The following FAM83B variants were observed in gnomAD, a reference collection of about 807,000 sequenced individuals.
FAM83B encodes the protein scaffolding CK1 anchoring protein B.
FAM83B carries 26 observed loss-of-function variants against 38.8 expected under a neutral mutation model. The ratio of observed to expected loss-of-function variants is 0.67; its 90% confidence interval spans 0.49 to 0.93. The LOEUF (loss-of-function observed/expected upper bound fraction) is 0.93, where lower values mean the gene tolerates loss of function less well. FAM83B is among the 40% of genes least tolerant of loss of function. FAM83B has a pLI of 0.00. For synonymous variants in FAM83B, 419 were observed against 423.1 expected (o/e 0.99, Z 0.12); for missense variants, 1,237 against 1,197.3 (o/e 1.03, Z -0.49).
At chr6:54,889,842 A>G (rs1304498430) in intron 2 of FAM83B, among the ~76,000 whole-genome samples, 1 of 152,130 alleles carries the variant, frequency 6.6e-6, no homozygotes, top group Admixed American at 6.6e-5. Flanking sequence ...GAAACATAAT[A>G]GAGTTTAAGT....
At chr6:54,853,261 G>A (rs1374857824) in intron 1 of FAM83B, among the ~76,000 whole-genome samples, 3 of 152,168 alleles carry the variant, frequency 2.0e-5, no homozygotes, top group African/African-American at 7.2e-5. Flanking sequence ...AGAAGCTGAA[G>A]CAAGTTATCC....
intron 2 of FAM83B, among the ~76,000 whole-genome samples, chr6:54,896,735 A>G (rs1042407249): frequency 6.6e-6 from 1 of 152,198 alleles, no homozygotes; most frequent in African/African-American, 2.4e-5. Flanking sequence ...TCTGGACACT[A>G]TTTCTGAGAA....
At chr6:54,899,808 C>T (rs970623881) in intron 2 of FAM83B, among the ~76,000 whole-genome samples, 1 of 152,102 alleles carries the variant, frequency 6.6e-6, no homozygotes, top group Non-Finnish European at 1.5e-5. Context: ...GTTACCATAG[C>T]AGTCGGTGTT....
At chr6:54,875,725 G>GGGAAAGAGA (rs74465395) in intron 2 of FAM83B, among the ~76,000 whole-genome samples, 71,378 of 142,704 alleles carry the variant, frequency 0.5, 18,148 homozygotes, top group Non-Finnish European at 0.56. Context: ...AAGAGGTGGA[G>GGGAAAGAGA]GGGAAGAGGG....
chr6:54,880,212 T>G (rs1353841093), intron 2 of FAM83B, among the ~76,000 whole-genome samples: 2 of 152,174 alleles, frequency 1.3e-5, no homozygotes, highest in Non-Finnish European at 2.9e-5. Context: ...AAAAGATTCA[T>G]AGGAAATATA....
At chr6:54,861,956 G>T (rs1771595293) in intron 1 of FAM83B, among the ~76,000 whole-genome samples, 1 of 152,130 alleles carries the variant, frequency 6.6e-6, no homozygotes, top group East Asian at 1.9e-4. Flanking sequence ...ACTAGAGTCT[G>T]GAGTCTGGAA....
At position 54,921,535 on chromosome 6, in the gene FAM83B, C is replaced by T. The variant is rs207466980; in HGVS notation, c.445-4836C>T. On this transcript the variant is annotated intron_variant, in intron 2 of 4. Transcript: ENST00000306858. ...GAAAGTTTTCTAAGTCTCATGTTTC[C>T]GATGAATGCATTTATTTATTTACCT... is the stretch of plus-strand genomic sequence containing the variant. 5.9e-5 allele frequency among the ~76,000 whole-genome samples: 9 copies of T among 151,556 alleles called. No homozygotes were observed. The South Asian group carries it at 1.3e-3, about 21-fold the overall frequency.
intron 2 of FAM83B, among the ~76,000 whole-genome samples, chr6:54,874,161 G>A (rs1205863830): frequency 1.3e-5 from 2 of 151,960 alleles, no homozygotes; most frequent in Non-Finnish European, 2.9e-5. Flanking sequence ...TTTATAAGCA[G>A]AATGTGATCT....
chr6:54,868,588 C>T (rs970217327), intron 1 of FAM83B, among the ~76,000 whole-genome samples: 14 of 152,152 alleles, frequency 9.2e-5, no homozygotes, highest in Admixed American at 7.2e-4. Context: ...CTTCCTTTTT[C>T]TCTTGGAGAA....
intron 2 of FAM83B, among the ~76,000 whole-genome samples, chr6:54,881,515 G>A (rs1772131243): frequency 6.6e-6 from 1 of 151,698 alleles, no homozygotes; most frequent in South Asian, 2.1e-4. Context: ...TTGTCATTTG[G>A]CTAAATATCA....
chr6:54,871,731 A>C (rs1771858837), intron 2 of FAM83B, among the ~76,000 whole-genome samples: 1 of 125,902 alleles, frequency 7.9e-6, no homozygotes, highest in Non-Finnish European at 1.6e-5. Context: ...TGACAGAGCG[A>C]GACCCTGTCT....
intron 2 of FAM83B, among the ~76,000 whole-genome samples, chr6:54,905,631 A>C (rs1772761423): frequency 6.6e-6 from 1 of 152,204 alleles, no homozygotes; most frequent in Non-Finnish European, 1.5e-5. Context: ...TGTGTAAAAA[A>C]GTCTTTACTA....
chr6:54,871,334 A>T (rs1910352), intron 2 of FAM83B, among the ~76,000 whole-genome samples: 14,355 of 151,814 alleles, frequency 0.095, 768 homozygotes, highest in South Asian at 0.15. Flanking sequence ...CAAGCAACAA[A>T]AGTTATTAAG....
chr6:54,913,091 T>C (rs1772950671), intron 2 of FAM83B, among the ~76,000 whole-genome samples: 1 of 152,106 alleles, frequency 6.6e-6, no homozygotes, highest in Non-Finnish European at 1.5e-5. Flanking sequence ...TAATTGTTTA[T>C]ACTTGACATC....
intron 2 of FAM83B, among the ~76,000 whole-genome samples, chr6:54,906,395 A>T (rs1023600405): frequency 3.3e-5 from 5 of 151,960 alleles, no homozygotes; most frequent in Non-Finnish European, 5.9e-5. Context: ...TTATTTATTT[A>T]TTTTTTTGAG....
At chr6:54,852,965 G>T (rs991012267) in intron 1 of FAM83B, among the ~76,000 whole-genome samples, 3 of 151,280 alleles carry the variant, frequency 2.0e-5, no homozygotes, top group African/African-American at 4.9e-5. Context: ...TAAGCTCATT[G>T]GCTATTGTTG....
chr6:54,877,692 T>C lies in FAM83B; in HGVS notation c.444+7002T>C, dbSNP rs569687018. 2.0e-5 allele frequency among the ~76,000 whole-genome samples: 3 copies of C among 152,348 alleles called. No individual in the cohort carries two copies. In the East Asian group the frequency reaches 5.8e-4, roughly 29 times the overall value. ...TGTGCTAAGCACTTTACATGCATTA[T>C]CTTAAGTTGACCTTCATAGTAACCT... On this transcript the variant is annotated intron_variant, in intron 2 of 4. Coordinates refer to ENST00000306858, the MANE Select transcript of FAM83B (RefSeq NM_001010872.3).
chr6:54,871,568 A>AATAATAATC (rs1771853919), intron 2 of FAM83B, among the ~76,000 whole-genome samples: 1 of 144,234 alleles, frequency 6.9e-6, no homozygotes, highest in Non-Finnish European at 1.5e-5. Flanking sequence ...TAATAATAAT[A>AATAATAATC]ATAATAATAA....
At chr6:54,852,817 G>C (rs1001022159) in intron 1 of FAM83B, among the ~76,000 whole-genome samples, 1 of 152,202 alleles carries the variant, frequency 6.6e-6, no homozygotes, top group African/African-American at 2.4e-5. Flanking sequence ...AATCTTATTG[G>C]TCTAGAATTC....
Sources: gnomAD v4.1 joint callset for allele counts (sites outside exome capture counted in the v4.1 genomes callset) on GRCh38, gnomAD v4.1.1 for gene constraint, MANE v1.5 for transcripts, NCBI Gene and HGNC (gene_info 2026-07-23, HGNC 2026-07-21) for gene names.